Variants in GRIK2 observed in about 807,000 individuals in gnomAD.
GRIK2 encodes the protein glutamate ionotropic receptor kainate type subunit 2.
A neutral mutation model predicts 100.3 loss-of-function variants in GRIK2; 32 were observed. That is an observed-to-expected ratio of 0.32 (90% confidence interval 0.24 to 0.43). The LOEUF (loss-of-function observed/expected upper bound fraction) is 0.43, where lower values mean the gene tolerates loss of function less well. Ranked by LOEUF, GRIK2 falls within the 20% of genes least tolerant of loss-of-function variation. The probability of loss-of-function intolerance (pLI) is 1.00; values close to 1 mark genes in which losing one functional copy is unlikely to be tolerated. For missense variants in GRIK2, 843 were observed against 1,114.9 expected (o/e 0.76, Z 3.47); for synonymous variants, 417 against 389.4 (o/e 1.07, Z -0.83).
intron 7 of GRIK2, among the ~76,000 whole-genome samples, chr6:101,726,963 T>G (rs1774912068): frequency 6.6e-6 from 1 of 152,082 alleles, no homozygotes; most frequent in African/African-American, 2.4e-5. Flanking sequence ...ATAAACTCTC[T>G]ACCTGTTTGA....
At chr6:101,567,775 T>C (rs1167899148) in intron 2 of GRIK2, among the ~76,000 whole-genome samples, 2 of 152,036 alleles carry the variant, frequency 1.3e-5, no homozygotes, top group African/African-American at 2.4e-5. Flanking sequence ...TGTCAACTTA[T>C]TGAATACTAC....
At chr6:101,791,317 T>A (rs1029279066) in intron 7 of GRIK2, among the ~76,000 whole-genome samples, 1 of 152,206 alleles carries the variant, frequency 6.6e-6, no homozygotes, top group African/African-American at 2.4e-5. Flanking sequence ...CAATTTTGGA[T>A]CTTTCCTGCT....
intron 14 of GRIK2, among the ~76,000 whole-genome samples, chr6:102,019,418 G>A (rs1436710252): frequency 1.3e-5 from 2 of 151,950 alleles, no homozygotes; most frequent in Non-Finnish European, 2.9e-5. Flanking sequence ...TACTGCAACT[G>A]CTCTTTTGGG....
At chr6:101,801,494 C>G (rs190735205) in intron 8 of GRIK2, among the ~76,000 whole-genome samples, 2 of 151,936 alleles carry the variant, frequency 1.3e-5, no homozygotes, top group African/African-American at 4.8e-5. Context: ...AATTTCAAAT[C>G]CTTATTGAAA....
At chr6:102,053,822 G>T (rs1381555547) in intron 15 of GRIK2, among the ~76,000 whole-genome samples, 1 of 152,056 alleles carries the variant, frequency 6.6e-6, no homozygotes, top group East Asian at 1.9e-4. Context: ...ATCTCAACAG[G>T]TAAATAATAA....
chr6:101,893,330 C>G (rs977555196), intron 12 of GRIK2, among the ~76,000 whole-genome samples: 1 of 151,330 alleles, frequency 6.6e-6, no homozygotes, highest in African/African-American at 2.4e-5. Context: ...CATTGAAGGT[C>G]ACAGAAACAA....
chr6:101,988,359 T>C (rs1033180995), intron 14 of GRIK2, among the ~76,000 whole-genome samples: 3 of 151,880 alleles, frequency 2.0e-5, no homozygotes, highest in African/African-American at 7.2e-5. Context: ...CTGTAGTATG[T>C]AGTATTTTAC....
intron 14 of GRIK2, among the ~76,000 whole-genome samples, chr6:101,963,729 A>G (rs1170130353): frequency 6.6e-6 from 1 of 151,662 alleles, no homozygotes; most frequent in Non-Finnish European, 1.5e-5. Context: ...ATTTTTGTAC[A>G]TATTATATGT....
chr6:101,657,138 T>C (rs1165794537), intron 4 of GRIK2, among the ~76,000 whole-genome samples: 5 of 152,240 alleles, frequency 3.3e-5, no homozygotes, highest in Non-Finnish European at 7.3e-5. Flanking sequence ...TGAGTGATAT[T>C]GATAGGCTTT....
intron 2 of GRIK2, among the ~76,000 whole-genome samples, chr6:101,566,735 AT>A (rs1777294058): frequency 1.3e-5 from 2 of 150,490 alleles, no homozygotes; most frequent in Non-Finnish European, 1.5e-5. Flanking sequence ...AAACAAGAAA[AT>A]TTTTTTATTC....
At chr6:101,433,010 C>T (rs541623994) in intron 2 of GRIK2, among the ~76,000 whole-genome samples, 1 of 152,208 alleles carries the variant, frequency 6.6e-6, no homozygotes, top group Non-Finnish European at 1.5e-5. Flanking sequence ...CCAAAAGAGA[C>T]TCAGAGGTCG....
chr6:101,978,818 A>G (rs1296812612), intron 14 of GRIK2, among the ~76,000 whole-genome samples: 1 of 152,060 alleles, frequency 6.6e-6, no homozygotes, highest in East Asian at 1.9e-4. Context: ...GTATTTATTT[A>G]CTAACAATAA....
intron 14 of GRIK2, among the ~76,000 whole-genome samples, chr6:101,931,008 C>T (rs1281722818): frequency 1.3e-5 from 2 of 152,048 alleles, no homozygotes; most frequent in Admixed American, 6.6e-5. Context: ...CCTTATGTTG[C>T]TAATATTATC....
chr6:101,478,361 G>A (rs1772354837), intron 2 of GRIK2, among the ~76,000 whole-genome samples: 1 of 151,594 alleles, frequency 6.6e-6, no homozygotes, highest in Non-Finnish European at 1.5e-5. Context: ...TGTTTTCTAT[G>A]TTCTACAAAC....
At chr6:101,775,480 A>G (rs979809443) in intron 7 of GRIK2, among the ~76,000 whole-genome samples, 5 of 151,764 alleles carry the variant, frequency 3.3e-5, no homozygotes, top group African/African-American at 7.3e-5. Context: ...TGGGTACTCA[A>G]TGACACACAT....
intron 2 of GRIK2, among the ~76,000 whole-genome samples, chr6:101,529,146 T>C (rs1361687819): frequency 6.6e-6 from 1 of 152,138 alleles, no homozygotes; most frequent in East Asian, 1.9e-4. Flanking sequence ...TTATATCTCT[T>C]TAAATTTCAA....
chr6:101,632,410 A>G (rs142296983), intron 4 of GRIK2, among the ~76,000 whole-genome samples: 53 of 152,282 alleles, frequency 3.5e-4, no homozygotes, highest in African/African-American at 1.3e-3. Flanking sequence ...ATACTTCTTA[A>G]TAATAGGAAG....
chr6:101,599,144 C>A (rs1480636381), intron 2 of GRIK2, among the ~76,000 whole-genome samples: 2 of 151,700 alleles, frequency 1.3e-5, no homozygotes, highest in Non-Finnish European at 2.9e-5. Flanking sequence ...ATATTTAGCA[C>A]CCACTTATAA....
intron 12 of GRIK2, among the ~76,000 whole-genome samples, chr6:101,898,721 T>C (rs1787644531): frequency 6.6e-6 from 1 of 152,006 alleles, no homozygotes; most frequent in Non-Finnish European, 1.5e-5. Context: ...TGAAAATTAT[T>C]AGCTACGTGT....
Sources: gnomAD v4.1 joint callset for allele counts (sites outside exome capture counted in the v4.1 genomes callset) on GRCh38, gnomAD v4.1.1 for gene constraint, MANE v1.5 for transcripts, NCBI Gene and HGNC (gene_info 2026-07-23, HGNC 2026-07-21) for gene names.